ZHX3: variants seen among roughly 807,000 people sequenced by gnomAD.
ZHX3 encodes the protein zinc fingers and homeoboxes 3.
ZHX3 carries 20 observed loss-of-function variants against 64.5 expected under a neutral mutation model. The observed-to-expected ratio is 0.31, with a 90% CI of 0.22 to 0.45. The LOEUF (loss-of-function observed/expected upper bound fraction) is 0.45, where lower values mean the gene tolerates loss of function less well. Among genes scored for constraint, ZHX3 ranks in the 20% least tolerant of loss-of-function variants. The pLI, the probability that ZHX3 is intolerant of heterozygous loss-of-function variation, is 1.00. For missense variants in ZHX3, 1,041 were observed against 1,195.8 expected (o/e 0.87, Z 1.91); for synonymous variants, 423 against 461.6 (o/e 0.92, Z 1.07).
chr20:41,181,753 G>C lies in ZHX3; in HGVS notation c.*3438C>G, dbSNP rs2036258946. 6.6e-6 allele frequency: 1 copy of C among 152,244 alleles called. No individual in the cohort carries two copies. The highest frequency in any genetic ancestry group is 1.5e-5 in the Non-Finnish European group (1 of 68,050). 9.4% of individuals were successfully genotyped at this position (152,244 alleles called of 1,614,324 possible). A position where few individuals can be genotyped will look rare whatever the true frequency, so the allele number is the denominator to read the frequency against. ...AGGCTACGGAATAGAGAGATTTCCT[G>C]GTGGGACGGCCTCCCAAGGCTAGCT... On this transcript the variant is annotated 3_prime_UTR_variant, in exon 4 of 4. Transcript: ENST00000683867.
intron 1 of ZHX3, among the ~76,000 whole-genome samples, chr20:41,281,184 T>C (rs1295432559): frequency 2.0e-5 from 3 of 152,194 alleles, no homozygotes; most frequent in African/African-American, 4.8e-5. Flanking sequence ...TGAAGCAATT[T>C]CTACAAAGTT....
chr20:41,205,610 C>G (rs2038641790), intron 2 of ZHX3, among the ~76,000 whole-genome samples: 1 of 152,176 alleles, frequency 6.6e-6, no homozygotes, highest in African/African-American at 2.4e-5. Context: ...GCTGTAAGAG[C>G]CAGGCCTCTG....
intron 2 of ZHX3, among the ~76,000 whole-genome samples, chr20:41,227,062 A>T (rs879382499): frequency 2.0e-5 from 3 of 152,250 alleles, no homozygotes; most frequent in Non-Finnish European, 2.9e-5. Flanking sequence ...CCTTATCATT[A>T]CAGCCAGGAT....
chr20:41,314,548 A>C (rs1297492669), intron 1 of ZHX3, among the ~76,000 whole-genome samples: 1 of 152,266 alleles, frequency 6.6e-6, no homozygotes, highest in African/African-American at 2.4e-5. Flanking sequence ...AGCTGTAAAC[A>C]TAACTGGGAA....
At chr20:41,198,050 G>C (rs2037902262) in intron 3 of ZHX3, among the ~76,000 whole-genome samples, 1 of 144,584 alleles carries the variant, frequency 6.9e-6, no homozygotes, top group African/African-American at 2.6e-5. Context: ...CCCCACCCAG[G>C]CTGGAGTACA....
intron 2 of ZHX3, among the ~76,000 whole-genome samples, chr20:41,216,249 G>C (rs575251042): frequency 6.6e-6 from 1 of 152,194 alleles, no homozygotes; most frequent in South Asian, 2.1e-4. Context: ...CCACTATTTA[G>C]TGCTAGCAAC....
At chr20:41,265,847 G>A (rs2042818964) in intron 2 of ZHX3, among the ~76,000 whole-genome samples, 1 of 152,172 alleles carries the variant, frequency 6.6e-6, no homozygotes, top group Admixed American at 6.5e-5. Flanking sequence ...AGGAACAAAT[G>A]TTCAAAAGAA....
At chr20:41,268,876 C>A (rs559403122) in intron 2 of ZHX3, 114 bp downstream of exon 2, 6 of 152,082 alleles carry the variant, frequency 3.9e-5, no homozygotes, top group Non-Finnish European at 8.8e-5. Flanking sequence ...AATAGCAATG[C>A]GAAGACTAAA....
chr20:41,234,959 G>C (rs942359773), intron 2 of ZHX3, among the ~76,000 whole-genome samples: 1 of 152,170 alleles, frequency 6.6e-6, no homozygotes, highest in Admixed American at 6.5e-5. Flanking sequence ...GGTTGTCCTT[G>C]TAAGTCTCTC....
intron 2 of ZHX3, among the ~76,000 whole-genome samples, chr20:41,262,640 T>C (rs2042619834): frequency 6.6e-6 from 1 of 152,208 alleles, no homozygotes; most frequent in Admixed American, 6.5e-5. Flanking sequence ...TCATCAACCT[T>C]GAAGGCAGGG....
Position 41,185,779 on chromosome 20 carries a change from C to G in ZHX3, c.2861-578G>C, listed in dbSNP as rs2036469571. On this transcript the variant is annotated intron_variant, in intron 3 of 3. Coordinates refer to ENST00000683867, the MANE Select transcript of ZHX3 (RefSeq NM_001384317.1). This position sits in a 1 kb window ranked among gnomAD's most constrained non-coding sequence, Gnocchi z 5.0. ...TGAGAAAGCCATGAGAAACCAGGTA[C>G]AGATAAACAGATTGGCCCTTCCTGT... The G allele has an allele frequency of 6.5e-6, 1 of 154,114 alleles. No individual in the cohort carries two copies. The highest frequency in any genetic ancestry group is 2.4e-5 in the African/African-American group (1 of 41,466). The allele number at this position is 154,114 out of a possible 1,614,324, so 9.5% of individuals were successfully genotyped here. A position where few individuals can be genotyped will look rare whatever the true frequency, so the allele number is the denominator to read the frequency against.
chr20:41,218,517 A>G (rs1218466048), intron 2 of ZHX3, among the ~76,000 whole-genome samples: 1 of 152,186 alleles, frequency 6.6e-6, no homozygotes, highest in Admixed American at 6.5e-5. Context: ...TATTTATAAC[A>G]CTTTTATACC....
At chr20:41,264,408 A>AAAAAAAAAC (rs2042725905) in intron 2 of ZHX3, among the ~76,000 whole-genome samples, 1 of 148,412 alleles carries the variant, frequency 6.7e-6, no homozygotes, top group Non-Finnish European at 1.5e-5. Flanking sequence ...AAAAAAAAAA[A>AAAAAAAAAC]GTTAGCCGGG....
chr20:41,315,999 T>C (rs553701355), intron 1 of ZHX3, among the ~76,000 whole-genome samples: 10 of 151,260 alleles, frequency 6.6e-5, no homozygotes, highest in Non-Finnish European at 1.5e-5. Flanking sequence ...GTCTGAAATC[T>C]TACTTCAATA....
chr20:41,264,228 G>A (rs1195978261), intron 2 of ZHX3, among the ~76,000 whole-genome samples: 2 of 151,346 alleles, frequency 1.3e-5, no homozygotes, highest in African/African-American at 2.4e-5. Flanking sequence ...CGGCAACATG[G>A]TGAAACCCCA....
intron 2 of ZHX3, among the ~76,000 whole-genome samples, chr20:41,252,206 T>A (rs903698561): frequency 6.6e-6 from 1 of 152,132 alleles, no homozygotes; most frequent in Non-Finnish European, 1.5e-5. Flanking sequence ...AATGTCCTCT[T>A]TTCAGACTTT....
rs769680921 is a variant in ZHX3 at position 41,202,637 on chromosome 20, T to C, written c.2280A>G (p.Ala760=). 3 of 1,613,958 alleles carry C rather than the reference T, an allele frequency of 1.9e-6. No individual in the cohort carries two copies. The highest frequency in any genetic ancestry group is 2.5e-6 in the Non-Finnish European group (3 of 1,180,016). Residue 760 remains alanine, a synonymous_variant, in exon 3 of 4, where the codon GCA becomes GCG. Transcript: ENST00000683867. This position sits in a 1 kb window ranked among gnomAD's most constrained non-coding sequence, Gnocchi z 7.0. Reference sequence around the variant, plus strand: ...AGCTCACTTTGCCTGGGAGCTGCTCTGCCAGTTTGTTTGACTCATCATCCT... The same window carrying C: ...AGCTCACTTTGCCTGGGAGCTGCTCCGCCAGTTTGTTTGACTCATCATCCT... ...DPEDDESNKL[A]EQLPGKVSCK...
chr20:41,190,929 A>G (rs188238999), intron 3 of ZHX3, among the ~76,000 whole-genome samples: 1 of 152,236 alleles, frequency 6.6e-6, no homozygotes, highest in African/African-American at 2.4e-5. Flanking sequence ...CTTCCTTTAT[A>G]GTTGCTTACA....
chr20:41,204,192 G>A lies in ZHX3; in HGVS notation c.725C>T (p.Ala242Val), dbSNP rs1473051126. 1 of 1,610,626 alleles carries A rather than the reference G, an allele frequency of 6.2e-7. No homozygotes were observed. Among genetic ancestry groups the A allele is most frequent in the Non-Finnish European group, 8.5e-7 (1 of 1,178,232 alleles). The change falls in exon 3 of 4, where the codon GCA becomes GTA. Residue 242 changes from alanine (A) to valine (V), a missense_variant. This residue lies in a region of ZHX3 where 358 missense variants were observed against 369.1 expected (regional missense o/e 0.97). Coordinates refer to ENST00000683867, the MANE Select transcript of ZHX3 (RefSeq NM_001384317.1). This position sits in a 1 kb window ranked among gnomAD's most constrained non-coding sequence, Gnocchi z 6.6. ...FINGAVPVSQ[A>V]SASSAKNPHA... ...GGGGTTTTTTGCAGAGCTGGCAGAT[G>A]CCTGGCTGACTGGAACTGCCCCATT...
Sources: allele counts gnomAD v4.1 joint callset (sites outside exome capture counted in the v4.1 genomes callset), GRCh38; gene constraint gnomAD v4.1.1; regional missense constraint gnomAD v4.1.1; non-coding constraint Gnocchi (gnomAD v3.1); transcripts MANE v1.5; gene names NCBI Gene and HGNC (gene_info 2026-07-23, HGNC 2026-07-21).